The following UBE2E2 variants were observed in gnomAD, a reference collection of about 807,000 sequenced individuals.
The protein encoded by UBE2E2 is ubiquitin-conjugating enzyme E2 E2.
UBE2E2 carries 6 observed loss-of-function variants against 24.7 expected under a neutral mutation model. That is an observed-to-expected ratio of 0.24 (90% CI 0.13 to 0.48). The LOEUF (loss-of-function observed/expected upper bound fraction) is 0.48, where lower values mean the gene tolerates loss of function less well. Among genes scored for constraint, UBE2E2 ranks in the 20% least tolerant of loss-of-function variants. UBE2E2 has a pLI of 0.99. For missense variants in UBE2E2, 169 were observed against 245.0 expected, an observed-to-expected ratio of 0.69 and a Z score of 2.07; for synonymous variants, 104 against 83.6, an observed-to-expected ratio of 1.24 and a Z score of -1.33.
At chr3:23,216,409 TCA>T (rs1291427048) in intron 2 of UBE2E2, among the ~76,000 whole-genome samples, 4 of 152,174 alleles carry the variant, frequency 2.6e-5, no homozygotes, top group Admixed American at 2.6e-4. Context: ...TGATATACTG[TCA>T]CAGTAATTAC....
At chr3:23,388,162 G>A (rs1015890416) in intron 3 of UBE2E2, among the ~76,000 whole-genome samples, 1 of 152,182 alleles carries the variant, frequency 6.6e-6, no homozygotes, top group African/African-American at 2.4e-5. Context: ...GTTCTTTGCA[G>A]TATTGGCTCA....
chr3:23,346,917 T>TTACAG (rs1383959229), intron 3 of UBE2E2, among the ~76,000 whole-genome samples: 3 of 152,214 alleles, frequency 2.0e-5, no homozygotes, highest in African/African-American at 7.2e-5. Flanking sequence ...ACTATTAGTA[T>TTACAG]TACAGTATGA....
At chr3:23,291,248 C>T (rs1698758422) in intron 3 of UBE2E2, among the ~76,000 whole-genome samples, 1 of 152,064 alleles carries the variant, frequency 6.6e-6, no homozygotes, top group African/African-American at 2.4e-5. Flanking sequence ...TGGCTGCAAG[C>T]TTTTGTGCAG....
chr3:23,334,420 C>T lies in UBE2E2; in HGVS notation c.227+117108C>T, dbSNP rs188971755. Reference sequence around the variant, plus strand: ...TGGGGCACAGCCGTTGGTGTGTAAACGTCCTACAACTGCGTATTGGTGGTA... The same window carrying T: ...TGGGGCACAGCCGTTGGTGTGTAAATGTCCTACAACTGCGTATTGGTGGTA... On this transcript the variant is annotated intron_variant, in intron 3 of 5. Coordinates refer to ENST00000396703, the MANE Select transcript of UBE2E2 (RefSeq NM_152653.4). Among the ~76,000 whole-genome samples the T allele has an allele frequency of 4.6e-5, 7 of 152,108 alleles. No individual in the cohort carries two copies. The East Asian group carries it at 9.7e-4, about 21-fold the overall frequency.
At chr3:23,473,621 T>G (rs1699070764) in intron 3 of UBE2E2, among the ~76,000 whole-genome samples, 1 of 152,134 alleles carries the variant, frequency 6.6e-6, no homozygotes, top group Non-Finnish European at 1.5e-5. Flanking sequence ...AAGTCCACTG[T>G]GTCATTCTCA....
At chr3:23,223,403 G>C (rs565908127) in intron 3 of UBE2E2, among the ~76,000 whole-genome samples, 4 of 152,126 alleles carry the variant, frequency 2.6e-5, no homozygotes, top group African/African-American at 7.2e-5. Context: ...GTGTTGGCCG[G>C]GCTGGTCTCA....
intron 3 of UBE2E2, among the ~76,000 whole-genome samples, chr3:23,348,347 C>CAAAAAAAAAAAAAAAAAAAAAAAAAAAAA (rs35038477): frequency 8.2e-6 from 1 of 121,954 alleles, no homozygotes; most frequent in Non-Finnish European, 1.7e-5. Flanking sequence ...GTGCTGCTTT[C>CAAAAAAAAAAAAAAAAAAAAAAAAAAAAA]AAAAAAAAAA....
At chr3:23,336,188 G>A (rs1237570832) in intron 3 of UBE2E2, among the ~76,000 whole-genome samples, 2 of 152,052 alleles carry the variant, frequency 1.3e-5, no homozygotes, top group African/African-American at 4.8e-5. Context: ...TGTTGGTTCA[G>A]GTTTCCTGAG....
intron 3 of UBE2E2, among the ~76,000 whole-genome samples, chr3:23,253,995 G>A (rs1697648875): frequency 6.6e-6 from 1 of 152,138 alleles, no homozygotes; most frequent in South Asian, 2.1e-4. Flanking sequence ...AGAAAATTTA[G>A]TTCTAGCTCT....
At chr3:23,212,679 G>GC (rs1559440791) in intron 2 of UBE2E2, among the ~76,000 whole-genome samples, 1 of 151,984 alleles carries the variant, frequency 6.6e-6, no homozygotes, top group East Asian at 1.9e-4. Context: ...TATCATATGG[G>GC]CTCGTCTAAG....
At chr3:23,375,540 A>G (rs565491733) in intron 3 of UBE2E2, among the ~76,000 whole-genome samples, 2 of 152,268 alleles carry the variant, frequency 1.3e-5, no homozygotes, top group South Asian at 4.2e-4. Flanking sequence ...TAAATGAGTG[A>G]GTGATATGTT....
intron 3 of UBE2E2, among the ~76,000 whole-genome samples, chr3:23,496,597 C>A (rs556156373): frequency 6.6e-6 from 1 of 152,208 alleles, no homozygotes; most frequent in African/African-American, 2.4e-5. Flanking sequence ...AAGATTCATT[C>A]ATGTTAATCT....
intron 3 of UBE2E2, among the ~76,000 whole-genome samples, chr3:23,348,995 C>T (rs1031960035): frequency 2.6e-5 from 4 of 152,126 alleles, no homozygotes; most frequent in East Asian, 3.9e-4. Flanking sequence ...TGACCACCCC[C>T]CCACCACCTC....
chr3:23,585,370 CAA>C (rs71620785), intron 5 of UBE2E2, among the ~76,000 whole-genome samples: 30 of 86,098 alleles, frequency 3.5e-4, no homozygotes, highest in Admixed American at 4.2e-4. Flanking sequence ...GACCCTGTCT[CAA>C]AAAAAAAAAA....
intron 3 of UBE2E2, among the ~76,000 whole-genome samples, chr3:23,386,281 C>A (rs1049359567): frequency 1.3e-5 from 2 of 152,014 alleles, no homozygotes; most frequent in African/African-American, 4.8e-5. Flanking sequence ...GTTTATAGAA[C>A]AGCACCCTCT....
intron 5 of UBE2E2, among the ~76,000 whole-genome samples, chr3:23,572,728 T>C (rs904027186): frequency 7.9e-5 from 12 of 152,342 alleles, no homozygotes; most frequent in Admixed American, 1.3e-4. Context: ...CTCCTTTTGA[T>C]TGCTGCATGC....
Position 23,433,968 on chromosome 3 carries a change from A to G in UBE2E2, c.228-65640A>G, listed in dbSNP as rs565513435. ...ATTTAAAATAAATCCTCAATATTAT[A>G]TGGAACTATTTATAATATAGTGAAA... On this transcript the variant is annotated intron_variant, in intron 3 of 5. Coordinates refer to ENST00000396703, the MANE Select transcript of UBE2E2 (RefSeq NM_152653.4). Among the ~76,000 whole-genome samples, 5 of 152,186 alleles carry G rather than the reference A, an allele frequency of 3.3e-5. No individual in the cohort carries two copies. The East Asian group carries it at 5.8e-4, about 18-fold the overall frequency.
chr3:23,576,675 A>G (rs1696354305), intron 5 of UBE2E2, among the ~76,000 whole-genome samples: 1 of 152,122 alleles, frequency 6.6e-6, no homozygotes, highest in Admixed American at 6.6e-5. Flanking sequence ...TCATCCATCC[A>G]TCCATGCAGT....
chr3:23,461,465 G>GA (rs1245572336), intron 3 of UBE2E2, among the ~76,000 whole-genome samples: 9 of 147,722 alleles, frequency 6.1e-5, no homozygotes, highest in Non-Finnish European at 1.0e-4. Context: ...ATACATATTT[G>GA]AAAAAAAAAT....
Sources: allele counts gnomAD v4.1 joint callset (sites outside exome capture counted in the v4.1 genomes callset), GRCh38; gene constraint gnomAD v4.1.1; transcripts MANE v1.5; gene names NCBI Gene and HGNC (gene_info 2026-07-23, HGNC 2026-07-21).